Variants in ZNF574 observed in about 807,000 individuals in gnomAD.
ZNF574 encodes the protein zinc finger protein 574.
In ZNF574, 25 loss-of-function variants were observed where a neutral mutation model predicts 56.6. The ratio of observed to expected loss-of-function variants is 0.44; its 90% CI spans 0.32 to 0.62. The LOEUF is 0.62. ZNF574 is among the 20% of genes least tolerant of loss of function. The pLI is 0.04. For synonymous variants in ZNF574, 543 were observed against 492.1 expected (o/e 1.10, Z -1.37); for missense variants, 1,065 against 1,218.9 (o/e 0.87, Z 1.88).
chr19:42,078,976 A>G lies in ZNF574; in HGVS notation c.370A>G (p.Ile124Val). Residue 124 changes from isoleucine to valine, a missense_variant, in exon 2 of 2, where the codon ATC becomes GTC. By Grantham distance (29) the Ile-to-Val change is conservative. Coordinates refer to ENST00000359044, the MANE Select transcript of ZNF574 (RefSeq NM_022752.6). ...PKAPPLSSST[I>V]HYECVDCKAL... ...GGCACCACCCCTGAGCTCCAGCACCATCCACTACGAGTGTGTGGATTGCAA... is the reference window on the plus strand; with the variant it reads ...GGCACCACCCCTGAGCTCCAGCACCGTCCACTACGAGTGTGTGGATTGCAA... 1.9e-6 allele frequency: 3 copies of G among 1,614,072 alleles called. No individual in the cohort carries two copies. Among genetic ancestry groups the G allele is most frequent in the Non-Finnish European group, 2.5e-6 (3 of 1,179,992 alleles).
Position 42,080,085 on chromosome 19 carries a change from G to A in ZNF574, c.1479G>A (p.Arg493=), listed in dbSNP as rs2146217259. 1 of 1,614,128 alleles carries A rather than the reference G, an allele frequency of 6.2e-7. No individual in the cohort carries two copies. The part of the protein sequence containing the change: ...RHQRFVHRLE[R]RHKCSICGKM... Reference sequence around the variant, plus strand: ...AACGTTTTGTGCATCGGCTGGAGCGGCGCCATAAATGCAGCATTTGTGGCA... The same window carrying A: ...AACGTTTTGTGCATCGGCTGGAGCGACGCCATAAATGCAGCATTTGTGGCA... Residue 493 remains arginine, a synonymous_variant, in exon 2 of 2, where the codon CGG becomes CGA. Transcript: ENST00000359044. This position sits in a 1 kb window ranked among gnomAD's most constrained non-coding sequence, Gnocchi z 8.5.
Position 42,079,941 on chromosome 19 carries a change from A to G in ZNF574, c.1335A>G (p.Pro445=), listed in dbSNP as rs2076485277. 1.9e-6 allele frequency: 3 copies of G among 1,613,704 alleles called. No individual in the cohort carries two copies. Among genetic ancestry groups the G allele is most frequent in the African/African-American group, 1.3e-5 (1 of 74,890 alleles). The part of the protein sequence containing the change: ...PEPAPAETGE[P]EAPEPPVSEE... ...CAGCCCCAGCAGAGACTGGAGAGCC[A>G]GAGGCCCCTGAGCCCCCTGTGTCTG... The change falls in exon 2 of 2, where the codon CCA becomes CCG. Residue 445 remains proline, a synonymous_variant. Transcript: ENST00000359044. The surrounding 1 kb of genome is among the most constrained non-coding windows in gnomAD (Gnocchi z 4.3).
In ZNF574 at chr19:42,079,866, G is replaced by T. The variant is rs1359296078; in HGVS notation, c.1260G>T (p.Leu420=). 1.4e-5 allele frequency: 22 copies of T among 1,614,026 alleles called. No homozygotes were observed. Among genetic ancestry groups the T allele is most frequent in the Non-Finnish European group, 1.9e-5 (22 of 1,179,996 alleles). Residue 420 remains leucine, a synonymous_variant, in exon 2 of 2, where the codon CTG becomes CTT. Transcript: ENST00000359044. This position sits in a 1 kb window ranked among gnomAD's most constrained non-coding sequence, Gnocchi z 4.3. The part of the protein sequence containing the change: ...RRTHGVGGVP[L]PTTPVPPEEP... ...CTCATGGGGTAGGGGGTGTCCCTCT[G>T]CCCACAACACCAGTCCCACCAGAGG... is the stretch of plus-strand genomic sequence containing the variant.
At chr19:42,068,798 A>C (rs1156937507) in exon 1 of ZNF574, 1 of 591,120 alleles carries the variant, frequency 1.7e-6, no homozygotes, top group Non-Finnish European at 3.1e-6. Flanking sequence ...ATGGGGGCTC[A>C]AAAGCGGAAA....
chr19:42,068,603 G>A lies in ZNF574; in HGVS notation c.-109G>A, dbSNP rs770873072. On this transcript the variant is annotated 5_prime_UTR_variant, in exon 1 of 2. Coordinates refer to the ZNF574 transcript ENST00000222339. ...GAGAGAGGGAGGAGGACAGGTGAGCGGAGGCACAGAATAGAAAGAGAAATG... is the reference window on the plus strand; with the variant it reads ...GAGAGAGGGAGGAGGACAGGTGAGCAGAGGCACAGAATAGAAAGAGAAATG... The A allele has an allele frequency of 9.6e-6, 4 of 418,152 alleles. No individual in the cohort carries two copies. In the South Asian group the frequency reaches 2.4e-4, roughly 25 times the overall value. 25.9% of individuals were successfully genotyped at this position (418,152 alleles called of 1,614,324 possible).
At chr19:42,076,944 G>A (rs1479526281) in intron 1 of ZNF574, among the ~76,000 whole-genome samples, 1 of 152,148 alleles carries the variant, frequency 6.6e-6, no homozygotes. Context: ...GTACAAAGAA[G>A]GATTAAGTGT....
At chr19:42,077,245 TG>T (rs1271344770) in intron 1 of ZNF574, among the ~76,000 whole-genome samples, 4 of 151,942 alleles carry the variant, frequency 2.6e-5, no homozygotes, top group African/African-American at 9.7e-5. Context: ...ATGGAGGTTC[TG>T]TATGAGAATA....
At chr19:42,078,494 G>C (rs1163052208) in intron 1 of ZNF574, 93 bp from the exon 2 acceptor site, 2 of 1,102,572 alleles carry the variant, frequency 1.8e-6, no homozygotes, top group African/African-American at 1.6e-5. Flanking sequence ...TTAAGGGGGT[G>C]TAGATCTAAG....
Position 42,081,087 on chromosome 19 carries a change from T to C in ZNF574, c.2481T>C (p.Cys827=). ...AACGACCCTACTCCTGCCCTGACTGTGGCAAGAGCTACCGCTCCTTCTCCA... is the reference window on the plus strand; with the variant it reads ...AACGACCCTACTCCTGCCCTGACTGCGGCAAGAGCTACCGCTCCTTCTCCA... ...TGERPYSCPD[C]GKSYRSFSNL... Residue 827 remains cysteine, a synonymous_variant, in exon 2 of 2, where the codon TGT becomes TGC. Coordinates refer to ENST00000359044, the MANE Select transcript of ZNF574 (RefSeq NM_022752.6). The C allele has an allele frequency of 6.2e-7, 1 of 1,614,196 alleles. No individual in the cohort carries two copies. The highest frequency in any genetic ancestry group is 1.3e-5 in the African/African-American group (1 of 75,076).
Position 42,080,734 on chromosome 19 carries a change from G to T in ZNF574, c.2128G>T (p.Ala710Ser). 1 of 1,613,762 alleles carries T rather than the reference G, an allele frequency of 6.2e-7. No individual in the cohort carries two copies. Among genetic ancestry groups the T allele is most frequent in the Non-Finnish European group, 8.5e-7 (1 of 1,180,010 alleles). Residue 710 changes from alanine (A) to serine (S), a missense_variant, in exon 2 of 2, where the codon GCC becomes TCC. Transcript: ENST00000359044. The surrounding 1 kb of genome is among the most constrained non-coding windows in gnomAD (Gnocchi z 8.5). ...KEPPAPRAPR[A>S]TRAPVASPAA... is the part of the protein sequence containing the mutation. ...GCCCCCTGCCCCTCGAGCCCCACGG[G>T]CCACTCGTGCACCAGTTGCCTCTCC...
chr19:42,075,237 C>T (rs538151260), upstream of ZNF574: 1 of 152,454 alleles, frequency 6.6e-6, no homozygotes, highest in East Asian at 1.9e-4. Flanking sequence ...CTGAGGGGCG[C>T]AGGAACGAGG....
chr19:42,072,804 G>A (rs1389180406), upstream of ZNF574, among the ~76,000 whole-genome samples: 1 of 152,188 alleles, frequency 6.6e-6, no homozygotes, highest in Non-Finnish European at 1.5e-5. Flanking sequence ...GACATCGGGT[G>A]ATCGGCCTGT....
At chr19:42,077,998 G>A (rs1372918084) in intron 1 of ZNF574, among the ~76,000 whole-genome samples, 3 of 152,120 alleles carry the variant, frequency 2.0e-5, no homozygotes, top group Middle Eastern at 3.2e-3. Flanking sequence ...CAGGGGTTGC[G>A]TGTAAAGGGG....
chr19:42,073,360 T>C (rs2076437007), upstream of ZNF574, among the ~76,000 whole-genome samples: 2 of 152,090 alleles, frequency 1.3e-5, no homozygotes, highest in South Asian at 4.1e-4. Context: ...GAGATGTTAG[T>C]TATTATTATT....
chr19:42,078,814 C>G lies in ZNF574; in HGVS notation c.208C>G (p.Leu70Val), dbSNP rs1198424207. 6.2e-7 allele frequency: 1 copy of G among 1,613,958 alleles called. No homozygotes were observed. Among genetic ancestry groups the G allele is most frequent in the Non-Finnish European group, 8.5e-7 (1 of 1,179,982 alleles). Residue 70 changes from leucine to valine, a missense_variant, in exon 2 of 2, where the codon CTT becomes GTT. By Grantham distance (32) the Leu-to-Val change is conservative. Transcript: ENST00000359044. ...TASGTGLYQTLVQESQYQCLE... is the reference protein window; with the variant it reads ...TASGTGLYQTVVQESQYQCLE... The stretch of plus-strand genomic sequence containing the variant: ...TTCAGGCACGGGCCTCTATCAGACC[C>G]TTGTGCAGGAGAGCCAGTACCAGTG...
chr19:42,076,818 G>C (rs1256370689), intron 1 of ZNF574, among the ~76,000 whole-genome samples: 1 of 152,130 alleles, frequency 6.6e-6, no homozygotes, highest in African/African-American at 2.4e-5. Context: ...CAAGGGAACG[G>C]TTTAGAGCTA....
Position 42,080,339 on chromosome 19 carries a change from CCTA to C in ZNF574, c.1735_1737del (p.Tyr579del). On this transcript the variant is annotated inframe_deletion, in exon 2 of 2. Coordinates refer to ENST00000359044, the MANE Select transcript of ZNF574 (RefSeq NM_022752.6). The surrounding 1 kb of genome is among the most constrained non-coding windows in gnomAD (Gnocchi z 8.5). ...CGCTTGGTGCATGCCCAGCACTTCC[CCTA>C]CCGCTGCCAGGAATGTGGGGTGCGT... 1 of 1,614,228 alleles carries C rather than the reference CCTA, an allele frequency of 6.2e-7. No homozygotes were observed.
At chr19:42,069,111 C>A in intron 1 of ZNF574, 1 of 428,230 alleles carries the variant, frequency 2.3e-6, no homozygotes, top group Non-Finnish European at 4.1e-6. Context: ...GCAGAGCAGG[C>A]CCCTAGTGGG....
rs573518063 is a variant in ZNF574 at position 42,081,193 on chromosome 19, G to A, written c.2587G>A (p.Val863Ile). 14 of 1,614,096 alleles carry A rather than the reference G, an allele frequency of 8.7e-6. No individual in the cohort carries two copies. The highest frequency in any genetic ancestry group is 5.5e-5 in the South Asian group (5 of 91,080). Reference protein sequence around the residue: ...RQQLAEAEAAVGLAVMETAVE... With the variant: ...RQQLAEAEAAIGLAVMETAVE... ...GCAGCTGGCAGAGGCGGAGGCTGCC[G>A]TTGGCCTGGCCGTCATGGAGACTGC... The change falls in exon 2 of 2, where the codon GTT (valine) becomes ATT (isoleucine). Residue 863 changes from valine to isoleucine, a missense_variant. Coordinates refer to ENST00000359044, the MANE Select transcript of ZNF574 (RefSeq NM_022752.6).
Sources: allele counts gnomAD v4.1 joint callset (sites outside exome capture counted in the v4.1 genomes callset), GRCh38; gene constraint gnomAD v4.1.1; non-coding constraint Gnocchi (gnomAD v3.1); transcripts MANE v1.5; gene names NCBI Gene and HGNC (gene_info 2026-07-23, HGNC 2026-07-21).